The following VPS37A variants were observed in gnomAD, a reference collection of about 807,000 sequenced individuals.
VPS37A encodes the protein vacuolar protein sorting-associated protein 37A.
VPS37A carries 30 observed loss-of-function variants against 49.8 expected under a neutral mutation model. The ratio of observed to expected loss-of-function variants is 0.60; its 90% CI spans 0.45 to 0.82. The LOEUF (loss-of-function observed/expected upper bound fraction) is 0.82, where lower values mean the gene tolerates loss of function less well. Among genes scored for constraint, VPS37A ranks in the 40% least tolerant of loss-of-function variants. The probability of loss-of-function intolerance (pLI) is 0.00; values close to 1 mark genes in which losing one functional copy is unlikely to be tolerated. For missense variants in VPS37A, 593 were observed against 464.4 expected (o/e 1.28, Z -2.55); for synonymous variants, 195 against 160.6 (o/e 1.21, Z -1.62).
At chr8:17,304,264 T>C (rs1817308370), downstream of VPS37A, 2 of 1,199,428 alleles carry the variant, frequency 1.7e-6, no homozygotes, top group Non-Finnish European at 2.3e-6. Flanking sequence ...CTGGTGTCTT[T>C]TGTGTCCAAT....
At chr8:17,301,622 A>G (rs1327698223), downstream of VPS37A, 1 of 152,764 alleles carries the variant, frequency 6.5e-6, no homozygotes, top group Non-Finnish European at 1.5e-5. Flanking sequence ...AGATGTTCAT[A>G]AACTACATTA....
At chr8:17,248,238 C>T in intron 1 of VPS37A, 1 of 429,666 alleles carries the variant, frequency 2.3e-6, no homozygotes, top group Non-Finnish European at 4.6e-6. Flanking sequence ...ATAAAGATGA[C>T]AACATTGTTA....
downstream of VPS37A, chr8:17,305,661 G>A: frequency 1.8e-6 from 2 of 1,101,496 alleles, no homozygotes; most frequent in Non-Finnish European, 2.6e-6. Flanking sequence ...GTGACTAAAT[G>A]AAAAAAGTCT....
chr8:17,295,276 T>C lies in VPS37A; in HGVS notation c.*290T>C, dbSNP rs1816538800. The C allele has an allele frequency of 6.6e-6, 1 of 151,998 alleles. No individual in the cohort carries two copies. The highest frequency in any genetic ancestry group is 2.4e-5 in the African/African-American group (1 of 40,818). 9.4% of individuals were successfully genotyped at this position (151,998 alleles called of 1,614,324 possible). On this transcript the variant is annotated 3_prime_UTR_variant, in exon 12 of 12. Coordinates refer to ENST00000324849, the MANE Select transcript of VPS37A (RefSeq NM_152415.3). ...TACCTTGATTAAATGCCTATGCATG[T>C]ACTTTTAGCTAGTTTTTAATATTTT...
intron 1 of VPS37A, among the ~76,000 whole-genome samples, chr8:17,250,643 C>T (rs1036975998): frequency 1.3e-5 from 2 of 152,146 alleles, no homozygotes; most frequent in South Asian, 2.1e-4. Context: ...CCAACTCTTA[C>T]AATTTTTAAC....
At chr8:17,307,407 A>G (rs539009990), downstream of VPS37A, among the ~76,000 whole-genome samples, 2,228 of 152,042 alleles carry the variant, frequency 0.015, 62 homozygotes, top group African/African-American at 0.052. Context: ...AGAGGATGTG[A>G]AGAAATAGGA....
chr8:17,274,295 C>T (rs1586008899), intron 4 of VPS37A, among the ~76,000 whole-genome samples: 3 of 152,206 alleles, frequency 2.0e-5, no homozygotes, highest in East Asian at 3.9e-4. Context: ...TCTAGAAAAG[C>T]AGTCTTGACT....
At chr8:17,315,363 G>A in the VPS37A span, among the ~76,000 whole-genome samples, 2 of 151,988 alleles carry the variant, frequency 1.3e-5, no homozygotes, top group Non-Finnish European at 1.5e-5. Flanking sequence ...AATAGGTGGG[G>A]CACAAGAATG....
At chr8:17,254,140 C>G (rs975893007) in intron 1 of VPS37A, among the ~76,000 whole-genome samples, 1 of 151,948 alleles carries the variant, frequency 6.6e-6, no homozygotes, top group African/African-American at 2.4e-5. Flanking sequence ...TTATGACGTT[C>G]TCGTTTCTGT....
At chr8:17,324,885 C>A in the VPS37A span, among the ~76,000 whole-genome samples, 1 of 152,252 alleles carries the variant, frequency 6.6e-6, no homozygotes, top group South Asian at 2.1e-4. Context: ...AAAACTGAGA[C>A]TACAGAAAGC....
At chr8:17,304,562 C>T (rs1401571930), downstream of VPS37A, 37 of 1,585,104 alleles carry the variant, frequency 2.3e-5, no homozygotes, top group Non-Finnish European at 3.0e-5. Context: ...TATTTTGGTG[C>T]TTACACACAG....
intron 4 of VPS37A, among the ~76,000 whole-genome samples, chr8:17,272,328 TC>T (rs1486924018): frequency 1.3e-5 from 2 of 152,134 alleles, no homozygotes; most frequent in Non-Finnish European, 2.9e-5. Context: ...TTCAGCCCTC[TC>T]CCCCTCATCT....
chr8:17,326,398 C>A, the VPS37A span: 2 of 152,136 alleles, frequency 1.3e-5, no homozygotes, highest in African/African-American at 4.8e-5. Flanking sequence ...CTTCCATAAA[C>A]GTATCTTCAT....
intron 1 of VPS37A, among the ~76,000 whole-genome samples, chr8:17,263,602 A>C (rs189206779): frequency 6.6e-6 from 1 of 152,222 alleles, no homozygotes; most frequent in Non-Finnish European, 1.5e-5. Flanking sequence ...TTATTTAGAT[A>C]AAAATTATTT....
chr8:17,313,542 AC>A, the VPS37A span: 1 of 551,562 alleles, frequency 1.8e-6, no homozygotes, highest in Non-Finnish European at 3.2e-6. Context: ...CAAAATAAAT[AC>A]CCACGTTTAC....
At chr8:17,321,737 A>G in the VPS37A span, among the ~76,000 whole-genome samples, 1 of 152,244 alleles carries the variant, frequency 6.6e-6, no homozygotes, top group Non-Finnish European at 1.5e-5. Flanking sequence ...CTGACATCAG[A>G]GACATATGCC....
chr8:17,324,357 C>A, the VPS37A span, among the ~76,000 whole-genome samples: 1 of 152,192 alleles, frequency 6.6e-6, no homozygotes, highest in Non-Finnish European at 1.5e-5. Flanking sequence ...ATCTACCCTA[C>A]AGGGTAGATG....
At chr8:17,265,670 C>A in intron 1 of VPS37A, 1 of 1,092,584 alleles carries the variant, frequency 9.2e-7, no homozygotes, top group Non-Finnish European at 1.3e-6. Context: ...TTTTTCTTGC[C>A]TCTTTACATC....
At chr8:17,249,512 CATTTACAAA>C (rs1811775270) in intron 1 of VPS37A, among the ~76,000 whole-genome samples, 1 of 152,164 alleles carries the variant, frequency 6.6e-6, no homozygotes, top group Non-Finnish European at 1.5e-5. Flanking sequence ...AGATGTTTCG[CATTTACAAA>C]TTATACTCGA....
Sources: allele counts gnomAD v4.1 joint callset (sites outside exome capture counted in the v4.1 genomes callset), GRCh38; gene constraint gnomAD v4.1.1; transcripts MANE v1.5; gene names NCBI Gene and HGNC (gene_info 2026-07-23, HGNC 2026-07-21).